DLG2: variants seen among roughly 807,000 people sequenced by gnomAD.
The protein encoded by DLG2 is disks large homolog 2.
DLG2 carries 45 observed loss-of-function variants against 132.5 expected under a neutral mutation model. The ratio of observed to expected loss-of-function variants is 0.34; its 90% CI spans 0.27 to 0.44. The LOEUF (loss-of-function observed/expected upper bound fraction) is 0.44. Among genes scored for constraint, DLG2 ranks in the 20% least tolerant of loss-of-function variants. The pLI is 1.00. For missense variants in DLG2, 1,045 were observed against 1,196.9 expected (o/e 0.87, Z 1.87); for synonymous variants, 424 against 419.6 (o/e 1.01, Z -0.13).
intron 6 of DLG2, among the ~76,000 whole-genome samples, chr11:84,777,303 A>G (rs911784796): frequency 3.0e-5 from 4 of 132,358 alleles, no homozygotes; most frequent in Admixed American, 8.0e-5. Context: ...ATATATATAT[A>G]TATATATATA....
chr11:84,792,101 T>C (rs1024411155), intron 6 of DLG2, among the ~76,000 whole-genome samples: 5 of 152,218 alleles, frequency 3.3e-5, no homozygotes, highest in African/African-American at 9.6e-5. Flanking sequence ...TGTTGTAGTA[T>C]GTTCCTTCTA....
At chr11:83,820,760 G>C (rs1716015371) in intron 17 of DLG2, among the ~76,000 whole-genome samples, 2 of 152,122 alleles carry the variant, frequency 1.3e-5, no homozygotes, top group South Asian at 4.1e-4. Context: ...CAAATATGTA[G>C]TATAGGAACA....
At chr11:85,030,066 G>A (rs2060880526) in intron 6 of DLG2, among the ~76,000 whole-genome samples, 1 of 152,176 alleles carries the variant, frequency 6.6e-6, no homozygotes, top group Non-Finnish European at 1.5e-5. Context: ...CCAATTGACT[G>A]CACTGGAGTC....
chr11:85,399,350 A>T (rs1175111782), intron 3 of DLG2, among the ~76,000 whole-genome samples: 4 of 152,204 alleles, frequency 2.6e-5, no homozygotes, highest in African/African-American at 9.7e-5. Context: ...AAATGGCCAT[A>T]CTGCCCAAGG....
chr11:85,620,947 A>C (rs1409531856), intron 2 of DLG2, among the ~76,000 whole-genome samples: 2 of 152,240 alleles, frequency 1.3e-5, no homozygotes, highest in Non-Finnish European at 2.9e-5. Context: ...ACATCAGAAG[A>C]AAATGCTAGA....
chr11:83,901,728 C>G (rs1274601261), intron 15 of DLG2, among the ~76,000 whole-genome samples: 1 of 152,138 alleles, frequency 6.6e-6, no homozygotes, highest in Non-Finnish European at 1.5e-5. Context: ...GGTACTAATA[C>G]AGTTTCCATC....
At chr11:84,284,482 C>T (rs1012768853) in intron 7 of DLG2, among the ~76,000 whole-genome samples, 2 of 152,238 alleles carry the variant, frequency 1.3e-5, no homozygotes, top group African/African-American at 4.8e-5. Flanking sequence ...ATCCTACACA[C>T]ACTGCAGAGT....
At chr11:84,145,337 T>A (rs1302040465) in intron 9 of DLG2, among the ~76,000 whole-genome samples, 2 of 152,236 alleles carry the variant, frequency 1.3e-5, no homozygotes, top group Non-Finnish European at 2.9e-5. Flanking sequence ...ACATAGATGG[T>A]ATAGCCTAGG....
At chr11:85,456,076 T>C (rs1321729237) in intron 3 of DLG2, among the ~76,000 whole-genome samples, 4 of 152,224 alleles carry the variant, frequency 2.6e-5, no homozygotes, top group Non-Finnish European at 4.4e-5. Context: ...ATACAACTAG[T>C]TGAATTCAAC....
At chr11:83,874,553 A>G (rs1445594792) in intron 15 of DLG2, 65 bp from the exon 16 acceptor site, 5 of 1,301,362 alleles carry the variant, frequency 3.8e-6, no homozygotes, top group East Asian at 5.3e-5. Flanking sequence ...TTTTTTTATT[A>G]TACTTTAAGT....
intron 3 of DLG2, among the ~76,000 whole-genome samples, chr11:85,318,729 C>T (rs2080855897): frequency 6.6e-6 from 1 of 151,688 alleles, no homozygotes; most frequent in Admixed American, 6.6e-5. Flanking sequence ...TAAGGAAAGA[C>T]CATAAGGAAA....
At chr11:84,291,859 T>C (rs1489152478) in intron 7 of DLG2, among the ~76,000 whole-genome samples, 1 of 152,208 alleles carries the variant, frequency 6.6e-6, no homozygotes, top group Non-Finnish European at 1.5e-5. Context: ...GCTCCTGTCA[T>C]TTAGTAGGGA....
chr11:84,667,510 T>C (rs2099701137), intron 6 of DLG2, among the ~76,000 whole-genome samples: 1 of 148,524 alleles, frequency 6.7e-6, no homozygotes, highest in South Asian at 2.1e-4. Context: ...TTTTTTTTTT[T>C]TTTTGAGTCA....
intron 7 of DLG2, among the ~76,000 whole-genome samples, chr11:84,336,433 A>G (rs1040700333): frequency 2.0e-5 from 3 of 152,204 alleles, no homozygotes; most frequent in Non-Finnish European, 4.4e-5. Context: ...TTGTCATGCC[A>G]TAAAAGAGCT....
intron 3 of DLG2, among the ~76,000 whole-genome samples, chr11:85,287,984 C>T (rs111468621): frequency 8.6e-5 from 13 of 151,720 alleles, no homozygotes; most frequent in Non-Finnish European, 1.5e-4. Context: ...AAGCAAAGGA[C>T]GACATGAAAA....
chr11:83,675,659 C>G (rs866014336), intron 18 of DLG2, among the ~76,000 whole-genome samples: 2 of 152,162 alleles, frequency 1.3e-5, no homozygotes, highest in Non-Finnish European at 2.9e-5. Flanking sequence ...TTTTCAACAA[C>G]AAATTTTTGT....
chr11:83,910,809 T>C (rs75974380), intron 15 of DLG2, among the ~76,000 whole-genome samples: 2 of 152,130 alleles, frequency 1.3e-5, no homozygotes, highest in Non-Finnish European at 2.9e-5. Flanking sequence ...ACAGCTATCA[T>C]TGTCGTGATG....
intron 6 of DLG2, among the ~76,000 whole-genome samples, chr11:85,102,851 A>C (rs1437929631): frequency 1.3e-5 from 2 of 152,148 alleles, no homozygotes; most frequent in Middle Eastern, 3.4e-3. Context: ...TTTGCACATC[A>C]CATAGTCTCG....
chr11:85,396,018 C>T (rs918129267), intron 3 of DLG2, among the ~76,000 whole-genome samples: 3 of 152,046 alleles, frequency 2.0e-5, no homozygotes, highest in Non-Finnish European at 4.4e-5. Flanking sequence ...CAGTAGGGGC[C>T]GACAGACACC....
Sources: gnomAD v4.1 joint callset for allele counts (sites outside exome capture counted in the v4.1 genomes callset) on GRCh38, gnomAD v4.1.1 for gene constraint, MANE v1.5 for transcripts, NCBI Gene and HGNC (gene_info 2026-07-23, HGNC 2026-07-21) for gene names.